Variants in TAFA1 observed in about 807,000 individuals in gnomAD.
TAFA1 encodes TAFA chemokine like family member 1.
A neutral mutation model predicts 18.5 loss-of-function variants in TAFA1; 4 were observed. That is an observed-to-expected ratio of 0.22 (90% confidence interval 0.11 to 0.49). TAFA1 has a LOEUF of 0.49. TAFA1 is among the 20% of genes least tolerant of loss of function. The pLI is 0.98. For synonymous variants in TAFA1, 56 were observed against 55.2 expected, an observed-to-expected ratio of 1.01 and a Z score of -0.06; for missense variants, 147 against 169.0, an observed-to-expected ratio of 0.87 and a Z score of 0.72.
At chr3:68,067,342 T>C (rs2106739885) in intron 2 of TAFA1, among the ~76,000 whole-genome samples, 1 of 152,272 alleles carries the variant, frequency 6.6e-6, no homozygotes, top group South Asian at 2.1e-4. Flanking sequence ...TTAAATATAT[T>C]CATAGTTTCT....
intron 2 of TAFA1, among the ~76,000 whole-genome samples, chr3:68,340,529 C>T (rs2069062199): frequency 6.6e-6 from 1 of 152,172 alleles, no homozygotes; most frequent in African/African-American, 2.4e-5. Flanking sequence ...AATAGACTCA[C>T]CATCGCACTC....
At chr3:68,084,033 A>C (rs2106782240) in intron 2 of TAFA1, among the ~76,000 whole-genome samples, 1 of 152,300 alleles carries the variant, frequency 6.6e-6, no homozygotes, top group South Asian at 2.1e-4. Flanking sequence ...CTCTGTAAGC[A>C]ATGCTATTCA....
At chr3:68,321,744 T>C (rs2106707272) in intron 2 of TAFA1, among the ~76,000 whole-genome samples, 1 of 152,244 alleles carries the variant, frequency 6.6e-6, no homozygotes, top group South Asian at 2.1e-4. Flanking sequence ...CTTTCTAAGT[T>C]TTATTAGCTC....
At chr3:68,146,904 T>G (rs1164584105) in intron 2 of TAFA1, among the ~76,000 whole-genome samples, 1 of 152,156 alleles carries the variant, frequency 6.6e-6, no homozygotes, top group Non-Finnish European at 1.5e-5. Flanking sequence ...ATTTCTTATT[T>G]GAAAAGACTT....
rs780681180 is a variant in TAFA1 at position 68,029,350 on chromosome 3, A to C, written c.118+22606A>C. Among the ~76,000 whole-genome samples, 65 of 152,180 alleles carry C rather than the reference A, an allele frequency of 4.3e-4. 1 individual carries two copies. The highest frequency in any genetic ancestry group is 5.9e-5 in the Non-Finnish European group (4 of 68,034). On this transcript the variant is annotated intron_variant, in intron 2 of 4. Transcript: ENST00000478136. ...CTTTGAAATCTGGTGTGTGTTTAAC[A>C]CTGACAGCACATCTCAATTCAGATG...
intron 2 of TAFA1, among the ~76,000 whole-genome samples, chr3:68,224,834 G>A (rs943095086): frequency 6.6e-6 from 1 of 151,758 alleles, no homozygotes; most frequent in Admixed American, 6.6e-5. Flanking sequence ...CGAGCCAGGA[G>A]GTGTGGGCCT....
At chr3:68,092,503 G>A (rs972417111) in intron 2 of TAFA1, among the ~76,000 whole-genome samples, 5 of 152,112 alleles carry the variant, frequency 3.3e-5, no homozygotes, top group African/African-American at 4.8e-5. Context: ...ATACCAGTGT[G>A]GGGAGAGATT....
At chr3:68,164,880 T>A (rs1194234828) in intron 2 of TAFA1, among the ~76,000 whole-genome samples, 1 of 152,158 alleles carries the variant, frequency 6.6e-6, no homozygotes, top group Non-Finnish European at 1.5e-5. Flanking sequence ...AGATGTATCA[T>A]TTTAAGAATG....
At chr3:68,340,118 A>C (rs1004996335) in intron 2 of TAFA1, among the ~76,000 whole-genome samples, 3 of 152,166 alleles carry the variant, frequency 2.0e-5, no homozygotes, top group Admixed American at 6.5e-5. Flanking sequence ...GGTGCTTTAA[A>C]CTTTGAAAAC....
chr3:68,341,255 GT>G (rs1333916390), intron 2 of TAFA1, among the ~76,000 whole-genome samples: 4 of 152,154 alleles, frequency 2.6e-5, no homozygotes, highest in Non-Finnish European at 4.4e-5. Flanking sequence ...GAAGTAGGGA[GT>G]ACTGGTTGGT....
chr3:68,290,536 A>G (rs1307423447), intron 2 of TAFA1, among the ~76,000 whole-genome samples: 1 of 152,110 alleles, frequency 6.6e-6, no homozygotes, highest in Non-Finnish European at 1.5e-5. Flanking sequence ...TGTTGACTGA[A>G]GCTGCATATT....
At chr3:68,079,280 T>C (rs2064866901) in intron 2 of TAFA1, among the ~76,000 whole-genome samples, 1 of 152,194 alleles carries the variant, frequency 6.6e-6, no homozygotes, top group Admixed American at 6.5e-5. Flanking sequence ...GATTCATTGA[T>C]TTTTTGAAGG....
chr3:68,324,643 G>C (rs576274353), intron 2 of TAFA1, among the ~76,000 whole-genome samples: 27 of 152,078 alleles, frequency 1.8e-4, no homozygotes, highest in Non-Finnish European at 3.4e-4. Flanking sequence ...TTGCCATTAC[G>C]AAACACAAAG....
At chr3:68,201,224 C>G (rs2066466448) in intron 2 of TAFA1, among the ~76,000 whole-genome samples, 1 of 151,586 alleles carries the variant, frequency 6.6e-6, no homozygotes, top group South Asian at 2.1e-4. Flanking sequence ...AGTTTAATTT[C>G]ATTGTGATCT....
chr3:68,212,010 A>G (rs1313777770), intron 2 of TAFA1, among the ~76,000 whole-genome samples: 1 of 152,000 alleles, frequency 6.6e-6, no homozygotes, highest in Non-Finnish European at 1.5e-5. Context: ...AAGTAAATAG[A>G]CTGCCATGAG....
intron 2 of TAFA1, among the ~76,000 whole-genome samples, chr3:68,217,178 A>T (rs1287149215): frequency 1.3e-5 from 2 of 152,050 alleles, no homozygotes; most frequent in Admixed American, 1.3e-4. Context: ...TTTCACCATT[A>T]TTCTTAATGT....
intron 2 of TAFA1, among the ~76,000 whole-genome samples, chr3:68,139,816 A>G (rs2065649077): frequency 6.6e-6 from 1 of 152,220 alleles, no homozygotes; most frequent in South Asian, 2.1e-4. Flanking sequence ...ACCCATGTCA[A>G]TGTGGGAAAC....
chr3:68,195,941 A>T (rs927498668), intron 2 of TAFA1, among the ~76,000 whole-genome samples: 1 of 151,744 alleles, frequency 6.6e-6, no homozygotes, highest in African/African-American at 2.4e-5. Context: ...TCTTGGACCC[A>T]TGTCACTTAT....
intron 2 of TAFA1, among the ~76,000 whole-genome samples, chr3:68,275,414 G>A (rs1217586082): frequency 1.3e-5 from 2 of 151,808 alleles, no homozygotes; most frequent in Non-Finnish European, 2.9e-5. Context: ...AGTGTGGCTG[G>A]AAAGGAGAAA....
Sources: allele counts gnomAD v4.1 joint callset (sites outside exome capture counted in the v4.1 genomes callset), GRCh38; gene constraint gnomAD v4.1.1; transcripts MANE v1.5; gene names NCBI Gene and HGNC (gene_info 2026-07-23, HGNC 2026-07-21).